SGSM3: variants seen among roughly 807,000 people sequenced by gnomAD.
SGSM3 encodes RUN and SH3 containing 3.
SGSM3 carries 96 observed loss-of-function variants against 100.5 expected under a neutral mutation model. The ratio of observed to expected loss-of-function variants is 0.96; its 90% CI spans 0.81 to 1.13. SGSM3 has a LOEUF of 1.13. SGSM3 is among the 50% of genes most tolerant of loss of function. The probability of loss-of-function intolerance (pLI) is 0.00; values close to 1 mark genes in which losing one functional copy is unlikely to be tolerated. For synonymous variants in SGSM3, 483 were observed against 422.8 expected, an observed-to-expected ratio of 1.14 and a Z score of -1.75; for missense variants, 1,001 against 1,015.8, an observed-to-expected ratio of 0.99 and a Z score of 0.20.
intron 1 of SGSM3, among the ~76,000 whole-genome samples, chr22:40,383,052 C>T (rs374805588): frequency 1.4e-4 from 22 of 152,152 alleles, no homozygotes; most frequent in Admixed American, 6.5e-5. Context: ...ATGAAACAGG[C>T]GATTACTACT....
chr22:40,400,811 C>G lies in SGSM3; in HGVS notation c.5C>G (p.Ser2Ter). The change falls in exon 2 of 22, where the codon TCA (serine) becomes TGA (stop). Residue 2 changes from serine (S) to a stop codon, truncating the protein, a stop_gained and splice_region_variant. Coordinates refer to ENST00000248929, the MANE Select transcript of SGSM3 (RefSeq NM_015705.6). LOFTEE classifies it high-confidence loss of function. The part of the protein sequence containing the change: M[S>*]GSHTPACGPF... ...ACTTGCCAGCCCACCAGCACAATGT[C>G]AGGTAGAGGCAGGGGCTGGACTTGG... The G allele has an allele frequency of 6.5e-7, 1 of 1,544,676 alleles. No individual in the cohort carries two copies. The highest frequency in any genetic ancestry group is 1.2e-5 in the South Asian group (1 of 82,858).
At chr22:40,382,626 G>T (rs1034026514) in intron 1 of SGSM3, among the ~76,000 whole-genome samples, 1 of 152,154 alleles carries the variant, frequency 6.6e-6, no homozygotes, top group Non-Finnish European at 1.5e-5. Context: ...ATATTCTCTT[G>T]GTTAAGGGAG....
intron 10 of SGSM3, 21 bp downstream of exon 10, chr22:40,406,683 G>C: frequency 1.3e-6 from 2 of 1,580,650 alleles, no homozygotes; most frequent in Middle Eastern, 3.3e-4. Context: ...ATGGGGGGCC[G>C]CACCTTGACC....
intron 6 of SGSM3, among the ~76,000 whole-genome samples, 175 bp downstream of exon 6, chr22:40,404,839 T>C (rs533110113): frequency 1.3e-5 from 2 of 152,308 alleles, no homozygotes; most frequent in African/African-American, 4.8e-5. Flanking sequence ...CCATCAGTGC[T>C]GTGGAAGGGC....
chr22:40,401,517 A>G, intron 2 of SGSM3, 76 bp from the exon 3 acceptor site: 1 of 1,184,420 alleles, frequency 8.4e-7, no homozygotes, highest in East Asian at 2.6e-5. Context: ...AAGTACTGAG[A>G]TTACAGGCGT....
rs1308883496 is a variant in SGSM3, at chr22:40,406,137, A to T, written c.874A>T (p.Lys292Ter). 1 of 1,614,134 alleles carries T rather than the reference A, an allele frequency of 6.2e-7. No homozygotes were observed. The highest frequency in any genetic ancestry group is 2.2e-5 in the East Asian group (1 of 44,872). ...LTAFASVVDI[K>*]LLLRIWDLFF... is the part of the protein sequence containing the mutation. Reference sequence around the variant, plus strand: ...GGCCTTCGCCAGCGTGGTGGACATCAAGCTGCTCCTGCGCATCTGGGACCT... The same window carrying T: ...GGCCTTCGCCAGCGTGGTGGACATCTAGCTGCTCCTGCGCATCTGGGACCT... Residue 292 changes from lysine (K) to a stop codon, truncating the protein, a stop_gained, in exon 9 of 22, where the codon AAG becomes TAG. Transcript: ENST00000248929. LOFTEE classifies it high-confidence loss of function.
intron 1 of SGSM3, among the ~76,000 whole-genome samples, chr22:40,377,800 C>T (rs1231731307): frequency 6.7e-6 from 1 of 149,338 alleles, no homozygotes; most frequent in Non-Finnish European, 1.5e-5. Context: ...GAGCTGTGAT[C>T]GTGCCACTGT....
chr22:40,406,218 C>T lies in SGSM3; in HGVS notation c.955C>T (p.Leu319Phe), dbSNP rs754045899. ...LFQLTLGMLH[L>F]KEEELIQSEN... ...CCAGCTCACGCTGGGCATGCTGCAC[C>T]TCAAGGTGCTCCACGGCCCCACTTC... The change falls in exon 9 of 22, where the codon CTC (leucine) becomes TTC (phenylalanine). Residue 319 changes from leucine to phenylalanine, a missense_variant. Physicochemically the swap from Leu to Phe is conservative, Grantham distance 22 (BLOSUM62 0). Coordinates refer to ENST00000248929, the MANE Select transcript of SGSM3 (RefSeq NM_015705.6). 1.2e-6 allele frequency: 2 copies of T among 1,613,926 alleles called. No homozygotes were observed. Among genetic ancestry groups the T allele is most frequent in the Non-Finnish European group, 1.7e-6 (2 of 1,180,018 alleles).
Position 40,408,982 on chromosome 22 carries a change from A to C in SGSM3, c.1952A>C (p.Asp651Ala). The C allele has an allele frequency of 6.3e-7, 1 of 1,590,046 alleles. No homozygotes were observed. Residue 651 changes from aspartate (D) to alanine (A), a missense_variant, in exon 19 of 22, where the codon GAT (aspartate) becomes GCT (alanine). Physicochemically the swap from Asp to Ala is moderately radical, Grantham distance 126 (BLOSUM62 -2). Transcript: ENST00000248929. Reference sequence around the variant, plus strand: ...CACGATGCAGTGCATGCACAAATGGATGTGAAGCTCCGCTCACTGATCTGC... The same window carrying C: ...CACGATGCAGTGCATGCACAAATGGCTGTGAAGCTCCGCTCACTGATCTGC... Reference protein sequence around the residue: ...VTHDAVHAQMDVKLRSLICVG... With the variant: ...VTHDAVHAQMAVKLRSLICVG...
chr22:40,406,783 C>A, intron 10 of SGSM3, 121 bp downstream of exon 10: 1 of 953,800 alleles, frequency 1.0e-6, no homozygotes, highest in Non-Finnish European at 1.6e-6. Context: ...GCCCCCCAGC[C>A]TGGCCCAGTC....
intron 9 of SGSM3, 47 bp downstream of exon 9, chr22:40,406,270 G>A (rs775618452): frequency 1.2e-6 from 2 of 1,607,618 alleles, no homozygotes; most frequent in South Asian, 2.2e-5. Flanking sequence ...ACCCGAGATG[G>A]GGGGCAGGGG....
rs2052184027 is a variant in SGSM3 at position 40,409,191 on chromosome 22, G to C, written c.1989-59G>C. 7.7e-6 allele frequency: 12 copies of C among 1,556,420 alleles called. No individual in the cohort carries two copies. The Admixed American group carries it at 2.2e-4, about 28-fold the overall frequency. On this transcript the variant is annotated intron_variant, in intron 19 of 21. Transcript: ENST00000248929. ...GAGACAGGTCAGAGGCTTCCACCGT[G>C]GCTGCAGCCAGAAGGGCCTGGAGCT... is the stretch of plus-strand genomic sequence containing the variant.
chr22:40,407,524 CACGACGACG>C lies in SGSM3; in HGVS notation c.1485_1493del (p.Asp495_Asp497del). ...CAAGGCCCTGCTGGACTTTGAGCGG[CACGACGACG>C]ACGAGCTGGGCTTCCGCAAGAACGA... On this transcript the variant is annotated inframe_deletion, in exon 13 of 22. Transcript: ENST00000248929. The surrounding 1 kb of genome is among the most constrained non-coding windows in gnomAD (Gnocchi z 4.7). 1 of 1,607,906 alleles carries C rather than the reference CACGACGACG, an allele frequency of 6.2e-7. No individual in the cohort carries two copies. The highest frequency in any genetic ancestry group is 8.5e-7 in the Non-Finnish European group (1 of 1,179,944).
intron 1 of SGSM3, among the ~76,000 whole-genome samples, chr22:40,395,272 A>G (rs2049893880): frequency 6.6e-6 from 1 of 151,860 alleles, no homozygotes; most frequent in African/African-American, 2.4e-5. Context: ...GTAATCACCT[A>G]CTTAACAGCT....
intron 1 of SGSM3, among the ~76,000 whole-genome samples, chr22:40,394,270 T>C (rs976904814): frequency 6.6e-6 from 1 of 152,252 alleles, no homozygotes; most frequent in African/African-American, 2.4e-5. Flanking sequence ...AGCAGAACTC[T>C]TGATTTCTAA....
At chr22:40,397,840 A>G (rs989766139) in intron 1 of SGSM3, among the ~76,000 whole-genome samples, 4 of 152,192 alleles carry the variant, frequency 2.6e-5, no homozygotes, top group Admixed American at 1.3e-4. Flanking sequence ...CCCATATTCT[A>G]AAGAGCTTCT....
intron 1 of SGSM3, among the ~76,000 whole-genome samples, chr22:40,391,701 TG>T (rs1479459290): frequency 3.3e-5 from 5 of 152,360 alleles, no homozygotes; most frequent in African/African-American, 1.2e-4. Flanking sequence ...CTATTGACTA[TG>T]TTTATAATCC....
chr22:40,386,939 A>C (rs1043697098), intron 1 of SGSM3, among the ~76,000 whole-genome samples: 2 of 152,068 alleles, frequency 1.3e-5, no homozygotes, highest in Non-Finnish European at 2.9e-5. Context: ...ACACACAAAA[A>C]ATTTTTTTTA....
intron 21 of SGSM3, 55 bp downstream of exon 21, chr22:40,409,580 G>T: frequency 6.2e-7 from 1 of 1,613,172 alleles, no homozygotes; most frequent in Non-Finnish European, 8.5e-7. Flanking sequence ...CAAACCGTTC[G>T]CGGGGTGGCT....
Sources: gnomAD v4.1 joint callset for allele counts (sites outside exome capture counted in the v4.1 genomes callset) on GRCh38, gnomAD v4.1.1 for gene constraint, Gnocchi (gnomAD v3.1) non-coding constraint, MANE v1.5 for transcripts, NCBI Gene and HGNC (gene_info 2026-07-23, HGNC 2026-07-21) for gene names.